NAV3: variants seen among roughly 807,000 people sequenced by gnomAD.
NAV3 encodes neuron navigator 3.
Under a neutral mutation model 244.7 loss-of-function variants are expected in NAV3, and 87 were observed. That is an observed-to-expected ratio of 0.36 (90% confidence interval 0.30 to 0.42). The LOEUF (loss-of-function observed/expected upper bound fraction) is 0.42. Among genes scored for constraint, NAV3 ranks in the 20% least tolerant of loss-of-function variants. NAV3 has a pLI of 1.00. For synonymous variants in NAV3, 1,126 were observed against 1,042.2 expected (o/e 1.08, Z -1.55); for missense variants, 2,663 against 2,893.3 (o/e 0.92, Z 1.83).
intron 1 of NAV3, among the ~76,000 whole-genome samples, chr12:77,887,294 A>G (rs112021910): frequency 1.8e-3 from 279 of 152,244 alleles, no homozygotes; most frequent in African/African-American, 6.4e-3. Flanking sequence ...GTTGGCTTCA[A>G]TTTCTACACA....
chr12:78,093,203 A>G (rs2138060587), intron 12 of NAV3, among the ~76,000 whole-genome samples: 1 of 152,332 alleles, frequency 6.6e-6, no homozygotes, highest in South Asian at 2.1e-4. Context: ...TACTGTAAGC[A>G]AGCAAATTCA....
intron 2 of NAV3, among the ~76,000 whole-genome samples, chr12:77,797,567 G>A (rs1185278236): frequency 1.4e-5 from 2 of 144,302 alleles, no homozygotes; most frequent in African/African-American, 5.1e-5. Context: ...CTTAGGCCGG[G>A]CGTGGTGGCT....
chr12:78,135,698 A>T (rs2138988755), intron 18 of NAV3, among the ~76,000 whole-genome samples: 1 of 152,284 alleles, frequency 6.6e-6, no homozygotes. Flanking sequence ...TTAAGTCTTC[A>T]ATGTCCTACA....
At position 78,128,697 on chromosome 12, in the gene NAV3, G is replaced by A. The variant is rs574637447; in HGVS notation, c.4281-9G>A. 7 of 1,612,616 alleles carry A rather than the reference G, an allele frequency of 4.3e-6. No individual in the cohort carries two copies. In the African/African-American group the frequency reaches 8.0e-5, roughly 18 times the overall value. Reference sequence around the variant, plus strand: ...TGTGCTTAAGTGTCATAGCTGTGCTGTTTTGCAGATATACCCCATCATCTC... The same window carrying A: ...TGTGCTTAAGTGTCATAGCTGTGCTATTTTGCAGATATACCCCATCATCTC... On this transcript the variant is annotated splice_polypyrimidine_tract_variant and intron_variant, in intron 17 of 39. Coordinates refer to ENST00000397909, the MANE Select transcript of NAV3 (RefSeq NM_001024383.2).
At chr12:77,852,578 ATGTT>A (rs1458444636) in intron 1 of NAV3, among the ~76,000 whole-genome samples, 2 of 152,070 alleles carry the variant, frequency 1.3e-5, no homozygotes, top group South Asian at 2.1e-4. Flanking sequence ...TAAATAAATA[ATGTT>A]ATACTTATGA....
chr12:77,692,826 A>G (rs1378953730), intron 2 of NAV3, among the ~76,000 whole-genome samples: 1 of 152,178 alleles, frequency 6.6e-6, no homozygotes, highest in Non-Finnish European at 1.5e-5. Context: ...AAAGATACAC[A>G]CCAAAGAAGC....
chr12:77,742,124 G>C (rs1371512315), intron 2 of NAV3, among the ~76,000 whole-genome samples: 3 of 151,864 alleles, frequency 2.0e-5, no homozygotes, highest in African/African-American at 7.3e-5. Flanking sequence ...TCTTTGATTA[G>C]TGATCCATTT....
chr12:77,861,214 G>C (rs1879211764), intron 1 of NAV3, among the ~76,000 whole-genome samples: 1 of 151,630 alleles, frequency 6.6e-6, no homozygotes. Context: ...ATTAAAAAAA[G>C]GAACCGTGTA....
rs144700148 is a variant in NAV3, at chr12:77,883,397, A to G, written c.243+51693A>G. Among the ~76,000 whole-genome samples the G allele has an allele frequency of 1.5e-3, 228 of 152,214 alleles. 1 individual carries two copies. Among genetic ancestry groups the G allele is most frequent in the Non-Finnish European group, 2.7e-3 (184 of 67,996 alleles). Reference sequence around the variant, plus strand: ...ACTGAGAGCTAAACGTTGAGCACACATGGAGATAACCATGGGAACAATAGA... The same window carrying G: ...ACTGAGAGCTAAACGTTGAGCACACGTGGAGATAACCATGGGAACAATAGA... On this transcript the variant is annotated intron_variant, in intron 1 of 39. Transcript: ENST00000397909.
chr12:77,891,074 A>G (rs945499668), intron 1 of NAV3, among the ~76,000 whole-genome samples: 5 of 152,010 alleles, frequency 3.3e-5, no homozygotes, highest in Non-Finnish European at 7.4e-5. Flanking sequence ...TTTAGCATTC[A>G]TGATGAAATA....
intron 3 of NAV3, among the ~76,000 whole-genome samples, chr12:77,943,169 G>C (rs1031214110): frequency 6.6e-6 from 1 of 152,124 alleles, no homozygotes; most frequent in Admixed American, 6.6e-5. Flanking sequence ...ACAAATCTGT[G>C]AAGAGTCTCT....
intron 12 of NAV3, among the ~76,000 whole-genome samples, chr12:78,082,107 G>A (rs1355584436): frequency 6.6e-6 from 1 of 152,102 alleles, no homozygotes; most frequent in Admixed American, 6.6e-5. Flanking sequence ...TTTATAAAGG[G>A]GAGTTCCCCT....
rs1460321414 is a variant in NAV3 at position 78,197,371 on chromosome 12, A to G, written c.6416A>G (p.Asn2139Ser). The change falls in exon 35 of 40, where the codon AAT becomes AGT. Residue 2139 changes from asparagine to serine, a missense_variant. Physicochemically the swap from Asn to Ser is conservative, Grantham distance 46. This residue lies in a region of NAV3 where 543 missense variants were observed against 672.4 expected (regional missense o/e 0.81). Coordinates refer to ENST00000397909, the MANE Select transcript of NAV3 (RefSeq NM_001024383.2). The stretch of plus-strand genomic sequence containing the variant: ...GTGGGCTCTCTGAGTGATATCTTCA[A>G]TGGTTTTCTCAATTGTAAATACAAC... Reference protein sequence around the residue: ...HHVGSLSDIFNGFLNCKYNKC... With the variant: ...HHVGSLSDIFSGFLNCKYNKC... The G allele has an allele frequency of 6.2e-7, 1 of 1,602,006 alleles. No homozygotes were observed. The highest frequency in any genetic ancestry group is 2.2e-5 in the East Asian group (1 of 44,466).
chr12:78,186,669 A>G (rs1178260313), intron 31 of NAV3, among the ~76,000 whole-genome samples: 5 of 125,820 alleles, frequency 4.0e-5, no homozygotes, highest in African/African-American at 1.0e-4. Context: ...CTAACAGACA[A>G]TGCCTTTGAA....
intron 8 of NAV3, among the ~76,000 whole-genome samples, chr12:78,008,449 G>C (rs1371031405): frequency 1.3e-5 from 2 of 152,068 alleles, no homozygotes; most frequent in African/African-American, 4.8e-5. Context: ...TCACTGCTTG[G>C]TTGGTAAGGA....
chr12:78,113,898 TCC>T (rs1955234267), intron 12 of NAV3, among the ~76,000 whole-genome samples: 1 of 152,156 alleles, frequency 6.6e-6, no homozygotes, highest in Non-Finnish European at 1.5e-5. Context: ...AAGTTCCAAT[TCC>T]AAACCATATC....
intron 9 of NAV3, among the ~76,000 whole-genome samples, chr12:78,035,849 G>A (rs946854298): frequency 2.0e-5 from 3 of 152,162 alleles, no homozygotes; most frequent in African/African-American, 7.2e-5. Context: ...TCCCTTTAAA[G>A]CATTATCTCC....
At chr12:77,987,383 T>C (rs1003524170) in intron 5 of NAV3, among the ~76,000 whole-genome samples, 1 of 152,230 alleles carries the variant, frequency 6.6e-6, no homozygotes, top group South Asian at 2.1e-4. Context: ...ATTTTCATAT[T>C]TGTCAGTTGG....
At chr12:78,207,135 T>C (rs1422748245) in intron 39 of NAV3, among the ~76,000 whole-genome samples, 1 of 152,140 alleles carries the variant, frequency 6.6e-6, no homozygotes, top group African/African-American at 2.4e-5. Context: ...AGCCAACATA[T>C]ATTTTCAGTC....
Sources: gnomAD v4.1 joint callset for allele counts (sites outside exome capture counted in the v4.1 genomes callset) on GRCh38, gnomAD v4.1.1 for gene constraint, gnomAD v4.1.1 regional missense constraint, MANE v1.5 for transcripts, NCBI Gene and HGNC (gene_info 2026-07-23, HGNC 2026-07-21) for gene names.